Variants in BUD23 observed in about 807,000 individuals in gnomAD.
BUD23 encodes 18S rRNA (guanine-N(7))-methyltransferase.
A neutral mutation model predicts 47.0 loss-of-function variants in BUD23; 34 were observed. The observed-to-expected ratio is 0.72, with a 90% CI of 0.55 to 0.96. The LOEUF is 0.96. BUD23 is among the 40% of genes least tolerant of loss of function. BUD23 has a pLI of 0.00. For missense variants in BUD23, 343 were observed against 361.2 expected, an observed-to-expected ratio of 0.95 and a Z score of 0.41; for synonymous variants, 124 against 132.0, an observed-to-expected ratio of 0.94 and a Z score of 0.41.
In BUD23 at chr7:73,685,569, C is replaced by A. The variant is rs185396779; in HGVS notation, c.87-1067C>A. 5.3e-3 allele frequency among the ~76,000 whole-genome samples: 813 copies of A among 152,244 alleles called. 38 individuals carry two copies. Among genetic ancestry groups the A allele is most frequent in the Admixed American group, 0.046 (704 of 15,290 alleles). On this transcript the variant is annotated intron_variant, in intron 2 of 11. Coordinates refer to ENST00000265758, the MANE Select transcript of BUD23 (RefSeq NM_017528.5). ...TACAGGCGCGCCTCCTCGCGCCCGA[C>A]TAGTTTGTGTAATTTTTTTGTGGAG...
At chr7:73,687,350 C>T (rs1407110745) in intron 5 of BUD23, among the ~76,000 whole-genome samples, 1 of 152,138 alleles carries the variant, frequency 6.6e-6, no homozygotes, top group Non-Finnish European at 1.5e-5. Context: ...GATCTTGGCT[C>T]ACTGCAGCCT....
At chr7:73,691,043 T>C (rs781808580) in intron 6 of BUD23, 31 bp downstream of exon 6, 1 of 1,589,892 alleles carries the variant, frequency 6.3e-7, no homozygotes, top group South Asian at 1.1e-5. Context: ...CCATCTGGGT[T>C]AGCTGCCTGT....
At chr7:73,693,514 G>A in intron 8 of BUD23, 100 bp downstream of exon 8, 1 of 1,593,850 alleles carries the variant, frequency 6.3e-7, no homozygotes, top group Non-Finnish European at 8.6e-7. Context: ...GCTGGGGTGT[G>A]GGTCACCAGG....
At chr7:73,684,082 G>A in intron 2 of BUD23, 2 of 1,153,754 alleles carry the variant, frequency 1.7e-6, no homozygotes, top group Non-Finnish European at 2.4e-6. Flanking sequence ...GGTAAAAGAG[G>A]CGCTGGGCGG....
intron 2 of BUD23, among the ~76,000 whole-genome samples, chr7:73,684,923 CAAAAAAAA>C (rs56229090): frequency 3.7e-4 from 18 of 49,130 alleles, no homozygotes; most frequent in African/African-American, 9.1e-4. Flanking sequence ...GACTTTGTTT[CAAAAAAAA>C]AAAAAAAAAA....
In BUD23 at chr7:73,693,999, G is replaced by A; in HGVS notation, c.650G>A (p.Ser217Asn). 1 of 1,612,632 alleles carries A rather than the reference G, an allele frequency of 6.2e-7. No individual in the cohort carries two copies. The highest frequency in any genetic ancestry group is 8.5e-7 in the Non-Finnish European group (1 of 1,179,638). The change falls in exon 10 of 12, where the codon AGT becomes AAT. Residue 217 changes from serine (S) to asparagine (N), a missense_variant. Physicochemically the swap from Ser to Asn is conservative, Grantham distance 46. Coordinates refer to ENST00000265758, the MANE Select transcript of BUD23 (RefSeq NM_017528.5). ...GPSTFIPEGLSENQDEVEPRE... is the reference protein window; with the variant it reads ...GPSTFIPEGLNENQDEVEPRE... ...GCACTTTGGTTCCTGCAGGGGCTGA[G>A]TGAAAATCAGGATGAAGTTGAACCC...
At position 73,692,664 on chromosome 7, in the gene BUD23, TG is replaced by T; in HGVS notation, c.510+21del. 6.2e-7 allele frequency: 1 copy of T among 1,610,892 alleles called. No individual in the cohort carries two copies. The highest frequency in any genetic ancestry group is 8.5e-7 in the Non-Finnish European group (1 of 1,177,352). ...CAGAGCAGGTGAGTCCCTCGGCTAC[TG>T]GGTGTGCCGGGGAGTTGGGGGACTC... On this transcript the variant is annotated intron_variant, in intron 7 of 11. Transcript: ENST00000265758.
At position 73,684,618 on chromosome 7, in the gene BUD23, G is replaced by GT. The variant is rs1491539900; in HGVS notation, c.86+814_86+815insT. On this transcript the variant is annotated intron_variant, in intron 2 of 11. Transcript: ENST00000265758. ...CTCGAGTCGTTAAAAAAAAAAAAAA[G>GT]GGGGGGGGATGGGGGCGGGGGGAAG... 9.0e-4 allele frequency among the ~76,000 whole-genome samples: 4 copies of GT among 4,436 alleles called. No homozygotes were observed. In the Admixed American group the frequency reaches 0.013, roughly 14 times the overall value. 2.9% of individuals were successfully genotyped at this position (4,436 alleles called of 152,430 possible). A position where few individuals can be genotyped will look rare whatever the true frequency, so the allele number is the denominator to read the frequency against.
In BUD23 at chr7:73,697,850, C is replaced by A; in HGVS notation, c.810C>A (p.Thr270=). 2.5e-6 allele frequency: 4 copies of A among 1,613,960 alleles called. No homozygotes were observed. Among genetic ancestry groups the A allele is most frequent in the Non-Finnish European group, 3.4e-6 (4 of 1,179,990 alleles). The change falls in exon 12 of 12, where the codon ACC becomes ACA. Residue 270 remains threonine, a synonymous_variant. Coordinates refer to ENST00000265758, the MANE Select transcript of BUD23 (RefSeq NM_017528.5). The part of the protein sequence containing the change: ...RRQGREVRPD[T]QYTGRKRKPR... ...TGCACAGGGAAGTCAGACCTGACACCCAGTACACCGGCCGCAAGCGCAAGC... is the reference window on the plus strand; with the variant it reads ...TGCACAGGGAAGTCAGACCTGACACACAGTACACCGGCCGCAAGCGCAAGC...
Position 73,686,804 on chromosome 7 carries a change from GT to G in BUD23, c.183-13del, listed in dbSNP as rs782067227. On this transcript the variant is annotated splice_polypyrimidine_tract_variant and intron_variant, in intron 3 of 11. Coordinates refer to ENST00000265758, the MANE Select transcript of BUD23 (RefSeq NM_017528.5). ...TTTGTAAACTGACCCTGAGTGTCTGGTCATGTCTTCCAGCTGTGGCACTGGG... is the reference window on the plus strand; with the variant it reads ...TTTGTAAACTGACCCTGAGTGTCTGGCATGTCTTCCAGCTGTGGCACTGGG... 1.9e-6 allele frequency: 3 copies of G among 1,613,998 alleles called. No individual in the cohort carries two copies. The highest frequency in any genetic ancestry group is 2.5e-6 in the Non-Finnish European group (3 of 1,180,008).
chr7:73,697,337 A>G, intron 10 of BUD23: 1 of 1,105,120 alleles, frequency 9.0e-7, no homozygotes, highest in Non-Finnish European at 1.3e-6. Flanking sequence ...GAGGGAACAG[A>G]CTGCTCGCTG....
At position 73,693,363 on chromosome 7, in the gene BUD23, G is replaced by T. The variant is rs1334787119; in HGVS notation, c.545G>T (p.Gly182Val). Residue 182 changes from glycine (G) to valine (V), a missense_variant, in exon 8 of 12, where the codon GGC becomes GTC. Transcript: ENST00000265758. ...ATCACAACCCAGGCCACAAAGGCAG[G>T]CTTCTCCGGTGGCATGGTGGTAGAC... ...ELITTQATKA[G>V]FSGGMVVDYP... The T allele has an allele frequency of 2.5e-6, 4 of 1,614,082 alleles. No individual in the cohort carries two copies. The highest frequency in any genetic ancestry group is 4.5e-5 in the East Asian group (2 of 44,904).
At chr7:73,690,194 G>A (rs1336165633) in intron 5 of BUD23, among the ~76,000 whole-genome samples, 22 of 152,036 alleles carry the variant, frequency 1.4e-4, no homozygotes, top group East Asian at 5.8e-4. Context: ...TAGTAGAGAC[G>A]GGGTTTCACC....
intron 6 of BUD23, among the ~76,000 whole-genome samples, 187 bp downstream of exon 6, chr7:73,691,199 G>A (rs1314443956): frequency 8.5e-5 from 13 of 152,134 alleles, no homozygotes; most frequent in African/African-American, 3.1e-4. Context: ...CAAGCTCAGT[G>A]GACTGATATA....
chr7:73,684,511 A>G (rs1197213484), intron 2 of BUD23, among the ~76,000 whole-genome samples: 1 of 147,878 alleles, frequency 6.8e-6, no homozygotes, highest in Non-Finnish European at 1.5e-5. Flanking sequence ...GTGTTGCCCA[A>G]GGTGGCCCAA....
intron 2 of BUD23, among the ~76,000 whole-genome samples, chr7:73,686,424 T>C (rs964104570): frequency 6.6e-6 from 1 of 152,238 alleles, no homozygotes; most frequent in African/African-American, 2.4e-5. Context: ...AATAACATGG[T>C]CCTGAATTAC....
At chr7:73,692,982 G>T (rs1219856360) in intron 7 of BUD23, 26 of 538,366 alleles carry the variant, frequency 4.8e-5, no homozygotes, top group Admixed American at 4.8e-4. Flanking sequence ...GAATGGCGGA[G>T]TAGGATGTAG....
intron 2 of BUD23, 177 bp downstream of exon 2, chr7:73,683,981 C>T (rs781803074): frequency 2.6e-5 from 39 of 1,485,632 alleles, no homozygotes; most frequent in Non-Finnish European, 3.3e-5. Flanking sequence ...CTCTCTGGGC[C>T]TCGGTACCTC....
At chr7:73,686,388 G>T (rs893083370) in intron 2 of BUD23, among the ~76,000 whole-genome samples, 1 of 152,188 alleles carries the variant, frequency 6.6e-6, no homozygotes, top group East Asian at 1.9e-4. Context: ...CTTGGCAGCT[G>T]GTGCAATGAT....
Sources: gnomAD v4.1 joint callset for allele counts (sites outside exome capture counted in the v4.1 genomes callset) on GRCh38, gnomAD v4.1.1 for gene constraint, MANE v1.5 for transcripts, NCBI Gene and HGNC (gene_info 2026-07-23, HGNC 2026-07-21) for gene names.